ERAP2: variants seen among roughly 807,000 people sequenced by gnomAD.
ERAP2 encodes leukocyte-derived arginine aminopeptidase.
A neutral mutation model predicts 111.1 loss-of-function variants in ERAP2; 118 were observed. That is an observed-to-expected ratio of 1.06 (90% CI 0.92 to 1.24). The LOEUF (loss-of-function observed/expected upper bound fraction) is 1.24, where lower values mean the gene tolerates loss of function less well. Among genes scored for constraint, ERAP2 ranks in the 50% most tolerant of loss-of-function variants. ERAP2 has a pLI of 0.00. For missense variants in ERAP2, 1,131 were observed against 1,125.8 expected (o/e 1.00, Z -0.07); for synonymous variants, 410 against 401.2 (o/e 1.02, Z -0.26).
chr5:96,877,439 T>C (rs1203682083), intron 1 of ERAP2, among the ~76,000 whole-genome samples: 1 of 152,226 alleles, frequency 6.6e-6, no homozygotes, highest in Non-Finnish European at 1.5e-5. Flanking sequence ...ACTCCTTCAT[T>C]TTGGCCATTG....
chr5:96,877,650 C>A (rs750061922), intron 1 of ERAP2, among the ~76,000 whole-genome samples: 3 of 152,178 alleles, frequency 2.0e-5, no homozygotes, highest in Non-Finnish European at 4.4e-5. Context: ...CCCATGATCA[C>A]GTAGGTGAGG....
rs573034708 is a variant in ERAP2 at position 96,879,773 on chromosome 5, C to T, written c.88C>T (p.Pro30Ser). 1.9e-6 allele frequency: 3 copies of T among 1,614,188 alleles called. No individual in the cohort carries two copies. The highest frequency in any genetic ancestry group is 1.7e-5 in the Admixed American group (1 of 60,012). ...ATTTTACTGCTTAACAGCCATCTTG[C>T]CCCAAATATGCATTTGTTCTCAGTT... is the stretch of plus-strand genomic sequence containing the variant. The part of the protein sequence containing the change: ...RGFYCLTAIL[P>S]QICICSQFSV... Residue 30 changes from proline (P) to serine (S), a missense_variant, in exon 2 of 19, where the codon CCC (proline) becomes TCC (serine). This residue lies in a region of ERAP2 where 847 missense variants were observed against 856.5 expected (regional missense o/e 0.99). Transcript: ENST00000437043.
intron 1 of ERAP2, among the ~76,000 whole-genome samples, chr5:96,876,821 T>C (rs1382335532): frequency 6.6e-6 from 1 of 152,202 alleles, no homozygotes; most frequent in Non-Finnish European, 1.5e-5. Flanking sequence ...ACTGCATTGC[T>C]ATTTAAGGTA....
chr5:96,896,965 T>TAAGTCATATGTTGGTTAACGATAGACTG, intron 9 of ERAP2, 102 bp downstream of exon 9: 2 of 987,682 alleles, frequency 2.0e-6, no homozygotes, highest in Non-Finnish European at 2.8e-6. Context: ...GTCAACCATA[T>TAAGTCATATGTTGGTTAACGATAGACTG]TTATTCTGCT....
At chr5:96,891,527 G>GGT (rs1285166617) in intron 5 of ERAP2, among the ~76,000 whole-genome samples, 1 of 46,580 alleles carries the variant, frequency 2.1e-5, no homozygotes, top group Admixed American at 2.5e-4. Context: ...GCCCATATAC[G>GGT]GTATATATAC....
Position 96,908,961 on chromosome 5 carries a change from T to A in ERAP2, c.2013T>A (p.Gly671=). 1 of 1,613,852 alleles carries A rather than the reference T, an allele frequency of 6.2e-7. No individual in the cohort carries two copies. ...GLIHDVFQLV[G]AGRLTLDKAL... ...CACTGACATTTGTTTTATACTTCAGTGCAGGGAGACTGACCCTAGACAAAG... is the reference window on the plus strand; with the variant it reads ...CACTGACATTTGTTTTATACTTCAGAGCAGGGAGACTGACCCTAGACAAAG... Residue 671 remains glycine, a splice_region_variant and synonymous_variant, in exon 14 of 19, where the codon GGT becomes GGA. Coordinates refer to ENST00000437043, the MANE Select transcript of ERAP2 (RefSeq NM_022350.5).
At chr5:96,913,265 T>A (rs1004656623) in intron 16 of ERAP2, 52 bp from the exon 17 acceptor site, 2 of 1,465,886 alleles carry the variant, frequency 1.4e-6, no homozygotes, top group African/African-American at 2.8e-5. Flanking sequence ...TGAGTTAATG[T>A]CCATGTACAT....
At chr5:96,883,686 C>A in intron 2 of ERAP2, 106 bp from the exon 3 acceptor site, 1 of 1,139,076 alleles carries the variant, frequency 8.8e-7, no homozygotes, top group Non-Finnish European at 1.2e-6. Flanking sequence ...TTTGAGAAAT[C>A]AAGTCTATTA....
chr5:96,914,457 A>G (rs1433993238), intron 17 of ERAP2, among the ~76,000 whole-genome samples: 1 of 152,200 alleles, frequency 6.6e-6, no homozygotes, highest in Non-Finnish European at 1.5e-5. Flanking sequence ...AACTGCTTTA[A>G]TATGTATGTT....
Position 96,909,571 on chromosome 5 carries a change from T to C in ERAP2, c.2170-9T>C. 6.2e-7 allele frequency: 1 copy of C among 1,611,542 alleles called. No homozygotes were observed. Among genetic ancestry groups the C allele is most frequent in the Non-Finnish European group, 8.5e-7 (1 of 1,177,726 alleles). On this transcript the variant is annotated splice_polypyrimidine_tract_variant and intron_variant, in intron 14 of 18. Transcript: ENST00000437043. ...AGCCTCTCTGTTAACCATCTCATAT[T>C]TTCTGCAGCGTTACCTTCTTCAGTA...
chr5:96,877,653 A>C (rs1183095671), intron 1 of ERAP2, among the ~76,000 whole-genome samples: 1 of 152,188 alleles, frequency 6.6e-6, no homozygotes, highest in East Asian at 1.9e-4. Context: ...ATGATCACGT[A>C]GGTGAGGTTG....
At chr5:96,891,296 T>A (rs1228418964) in intron 5 of ERAP2, among the ~76,000 whole-genome samples, 2 of 151,530 alleles carry the variant, frequency 1.3e-5, no homozygotes, top group African/African-American at 2.4e-5. Context: ...CTACGTGAAA[T>A]CATTAGCAAA....
chr5:96,886,923 G>A (rs13189819), intron 4 of ERAP2, 134 bp downstream of exon 4: 439,277 of 830,700 alleles, frequency 0.53, 117,425 homozygotes, highest in Middle Eastern at 0.63. Flanking sequence ...AAAAAACTAA[G>A]TTAAAAATTA....
rs372076669 is a variant in ERAP2, at chr5:96,892,279, T to C, written c.971-20T>C. 8.3e-4 allele frequency: 1,333 copies of C among 1,613,094 alleles called. 2 individuals are homozygous for C. The highest frequency in any genetic ancestry group is 1.6e-3 in the South Asian group (145 of 91,052). On this transcript the variant is annotated intron_variant, in intron 5 of 18. Transcript: ENST00000437043. ...GTGTGGGAGCCATAAAACTCAAGTA[T>C]GGTTGTTCTTATTTCTTAGATTTAA...
intron 13 of ERAP2, among the ~76,000 whole-genome samples, chr5:96,903,983 C>T (rs975473309): frequency 1.3e-5 from 2 of 152,142 alleles, no homozygotes; most frequent in Non-Finnish European, 2.9e-5. Context: ...TTTGAGCTTT[C>T]GACCCCACAT....
chr5:96,902,552 C>T (rs568014111), intron 12 of ERAP2, 199 bp downstream of exon 12: 19 of 489,098 alleles, frequency 3.9e-5, no homozygotes, highest in Non-Finnish European at 5.8e-5. Flanking sequence ...AGTTCTCTTG[C>T]GCTTTTATCA....
intron 1 of ERAP2, among the ~76,000 whole-genome samples, 195 bp from the exon 2 acceptor site, chr5:96,879,369 G>C (rs565407316): frequency 6.6e-6 from 1 of 152,300 alleles, no homozygotes; most frequent in Admixed American, 6.5e-5. Context: ...AGGGTTTTTT[G>C]GGGGAGTCCT....
chr5:96,886,528 C>T lies in ERAP2; in HGVS notation c.715-127C>T, dbSNP rs1048849947. 2.5e-5 allele frequency: 16 copies of T among 645,294 alleles called. No homozygotes were observed. The South Asian group carries it at 2.8e-4, about 11-fold the overall frequency. The allele number at this position is 645,294 out of a possible 1,614,324, so 40.0% of individuals were successfully genotyped here. A position where few individuals can be genotyped will look rare whatever the true frequency, so the allele number is the denominator to read the frequency against. On this transcript the variant is annotated intron_variant, in intron 3 of 18. Transcript: ENST00000437043. Reference sequence around the variant, plus strand: ...AGAATACTAGGAGAGGCCATTGCCCCCCTAGGAGGTCATCGATTGTCCTTC... The same window carrying T: ...AGAATACTAGGAGAGGCCATTGCCCTCCTAGGAGGTCATCGATTGTCCTTC...
intron 10 of ERAP2, among the ~76,000 whole-genome samples, chr5:96,900,748 C>T (rs1255193508): frequency 6.6e-6 from 1 of 152,176 alleles, no homozygotes; most frequent in African/African-American, 2.4e-5. Context: ...ACAATCTCAG[C>T]TCACTGCAAC....
Sources: allele counts gnomAD v4.1 joint callset (sites outside exome capture counted in the v4.1 genomes callset), GRCh38; gene constraint gnomAD v4.1.1; regional missense constraint gnomAD v4.1.1; transcripts MANE v1.5; gene names NCBI Gene and HGNC (gene_info 2026-07-23, HGNC 2026-07-21).